TESC: variants seen among roughly 807,000 people sequenced by gnomAD.
TESC encodes the protein tescalcin.
Under a neutral mutation model 31.0 loss-of-function variants are expected in TESC, and 19 were observed. The ratio of observed to expected loss-of-function variants is 0.61; its 90% confidence interval spans 0.43 to 0.90. The LOEUF is 0.90. Ranked by LOEUF, TESC falls within the 40% of genes least tolerant of loss-of-function variation. TESC has a pLI of 0.00. For missense variants in TESC, 248 were observed against 303.8 expected, an observed-to-expected ratio of 0.82 and a Z score of 1.36; for synonymous variants, 109 against 114.8, an observed-to-expected ratio of 0.95 and a Z score of 0.32.
intron 2 of TESC, among the ~76,000 whole-genome samples, chr12:117,068,347 T>C (rs1193919322): frequency 6.6e-6 from 1 of 152,098 alleles, no homozygotes; most frequent in Non-Finnish European, 1.5e-5. Context: ...CTGGCCAACA[T>C]GGTGAAACCT....
intron 2 of TESC, among the ~76,000 whole-genome samples, chr12:117,057,418 CA>C: frequency 2.0e-5 from 3 of 152,190 alleles, no homozygotes; most frequent in Admixed American, 2.0e-4. Flanking sequence ...TTTTGAGAAT[CA>C]AAGAGGTGGA....
At chr12:117,040,604 G>A (rs1404155362) in intron 7 of TESC, among the ~76,000 whole-genome samples, 2 of 151,408 alleles carry the variant, frequency 1.3e-5, no homozygotes, top group South Asian at 2.1e-4. Flanking sequence ...CTTCTCTGGT[G>A]ACCGGGTCCC....
chr12:117,053,488 A>G (rs1477536774), intron 3 of TESC, among the ~76,000 whole-genome samples: 1 of 152,174 alleles, frequency 6.6e-6, no homozygotes, highest in Non-Finnish European at 1.5e-5. Flanking sequence ...CAGTTCCTAC[A>G]AGTGACAACT....
chr12:117,056,995 C>T, intron 2 of TESC, 109 bp from the exon 3 acceptor site: 5 of 1,018,520 alleles, frequency 4.9e-6, no homozygotes, highest in South Asian at 1.3e-5. Flanking sequence ...TAACAGGCCC[C>T]CACAAGAATA....
chr12:117,078,128 A>T (rs1307446225), intron 1 of TESC, among the ~76,000 whole-genome samples: 2 of 152,232 alleles, frequency 1.3e-5, no homozygotes, highest in Admixed American at 1.3e-4. Context: ...TCAACTTTGC[A>T]TTATTTAAAA....
At chr12:117,077,269 C>T (rs1955086942) in intron 1 of TESC, among the ~76,000 whole-genome samples, 1 of 152,170 alleles carries the variant, frequency 6.6e-6, no homozygotes, top group South Asian at 2.1e-4. Flanking sequence ...GGGCTGTATC[C>T]TCTTGTTACA....
chr12:117,057,798 C>T lies in TESC; in HGVS notation c.129-912G>A, dbSNP rs557945377. The stretch of plus-strand genomic sequence containing the variant: ...GTTTGTTTTTTGAGATGGAGTCTCG[C>T]TCTGCCGCCCAGGCTGGAGTGCAGT... On this transcript the variant is annotated intron_variant, in intron 2 of 7. Coordinates refer to ENST00000335209, the MANE Select transcript of TESC (RefSeq NM_017899.4). Among the ~76,000 whole-genome samples, 7 of 152,278 alleles carry T rather than the reference C, an allele frequency of 4.6e-5. No homozygotes were observed. In the East Asian group the frequency reaches 5.8e-4, roughly 13 times the overall value.
chr12:117,086,241 C>T (rs534921320), intron 1 of TESC, among the ~76,000 whole-genome samples: 1 of 151,996 alleles, frequency 6.6e-6, no homozygotes, highest in East Asian at 1.9e-4. Context: ...TGTGAATGTA[C>T]TTAATGCCAA....
chr12:117,043,011 C>T (rs2135745011), intron 6 of TESC, among the ~76,000 whole-genome samples: 1 of 152,060 alleles, frequency 6.6e-6, no homozygotes, highest in Non-Finnish European at 1.5e-5. Flanking sequence ...CTGTATGTCT[C>T]ACTCTGGAAA....
intron 6 of TESC, among the ~76,000 whole-genome samples, chr12:117,042,756 T>C (rs1028738025): frequency 6.6e-6 from 1 of 152,106 alleles, no homozygotes; most frequent in Non-Finnish European, 1.5e-5. Flanking sequence ...CAGCTCGCTT[T>C]GTGACAGCGA....
At chr12:117,042,691 C>G (rs1954502561) in intron 6 of TESC, among the ~76,000 whole-genome samples, 1 of 152,240 alleles carries the variant, frequency 6.6e-6, no homozygotes, top group Non-Finnish European at 1.5e-5. Context: ...GTGCTCCTGC[C>G]CCTTTCACCG....
intron 1 of TESC, among the ~76,000 whole-genome samples, chr12:117,080,659 C>T (rs1474092213): frequency 6.6e-6 from 1 of 152,200 alleles, no homozygotes; most frequent in Non-Finnish European, 1.5e-5. Flanking sequence ...TTTCCGAAGC[C>T]TCAGGAACTG....
intron 1 of TESC, among the ~76,000 whole-genome samples, chr12:117,093,725 C>T (rs975979759): frequency 6.6e-6 from 1 of 152,098 alleles, no homozygotes; most frequent in Admixed American, 6.5e-5. Context: ...GCAGATGCCA[C>T]GCGCCCGAGA....
intron 2 of TESC, among the ~76,000 whole-genome samples, chr12:117,075,015 G>A (rs1464611690): frequency 2.6e-5 from 4 of 152,146 alleles, no homozygotes; most frequent in South Asian, 4.1e-4. Flanking sequence ...GCATGGTGGA[G>A]GGCACCAGTA....
chr12:117,098,712 C>A (rs186403977), intron 1 of TESC: 1 of 152,496 alleles, frequency 6.6e-6, no homozygotes, highest in Non-Finnish European at 1.5e-5. Flanking sequence ...CTGCCTGAAC[C>A]CATTTTACAG....
intron 2 of TESC, among the ~76,000 whole-genome samples, chr12:117,063,473 C>T (rs904780256): frequency 6.6e-6 from 1 of 152,140 alleles, no homozygotes; most frequent in Non-Finnish European, 1.5e-5. Context: ...CCTCAAGCCT[C>T]GTGGTGTGGG....
intron 3 of TESC, among the ~76,000 whole-genome samples, chr12:117,055,430 G>A (rs74402209): frequency 0.014 from 2,112 of 152,082 alleles, 64 homozygotes; most frequent in South Asian, 0.12. Flanking sequence ...GTTGTGAGCC[G>A]CCGCACCTGA....
chr12:117,089,973 G>C (rs77959368), intron 1 of TESC, among the ~76,000 whole-genome samples: 4,099 of 151,948 alleles, frequency 0.027, 72 homozygotes, highest in Non-Finnish European at 0.043. Flanking sequence ...AGGGAAAATA[G>C]GTTTCTACAA....
chr12:117,091,507 G>A (rs1955307440), intron 1 of TESC, among the ~76,000 whole-genome samples: 2 of 152,250 alleles, frequency 1.3e-5, no homozygotes, highest in South Asian at 2.1e-4. Context: ...AGTAGGGGAG[G>A]CAAGAAAGAA....
Sources: gnomAD v4.1 joint callset for allele counts (sites outside exome capture counted in the v4.1 genomes callset) on GRCh38, gnomAD v4.1.1 for gene constraint, MANE v1.5 for transcripts, NCBI Gene and HGNC (gene_info 2026-07-23, HGNC 2026-07-21) for gene names.